Variants in PGBD2 observed in about 807,000 individuals in gnomAD.
PGBD2 encodes piggyBac transposable element derived 2, also known as piggyBac transposable element-derived protein 2.
A neutral mutation model predicts 8.1 loss-of-function variants in PGBD2; 6 were observed. The ratio of observed to expected loss-of-function variants is 0.74; its 90% CI spans 0.40 to 1.46. PGBD2 has a LOEUF of 1.46. Among genes scored for constraint, PGBD2 ranks in the 40% most tolerant of loss-of-function variants. The pLI is 0.02. For synonymous variants in PGBD2, 318 were observed against 272.2 expected (o/e 1.17, Z -1.66); for missense variants, 802 against 739.0 (o/e 1.09, Z -0.99).
chr1:248,913,293 G>T (rs1661976485), intron 1 of PGBD2, among the ~76,000 whole-genome samples: 1 of 152,128 alleles, frequency 6.6e-6, no homozygotes, highest in African/African-American at 2.4e-5. Flanking sequence ...TATCTGCTGA[G>T]AACACAGGGA....
chr1:248,905,767 G>C (rs1249087600), upstream of PGBD2, among the ~76,000 whole-genome samples: 3 of 152,306 alleles, frequency 2.0e-5, no homozygotes, highest in East Asian at 5.8e-4. Flanking sequence ...AGTGGAGGTT[G>C]AGAAACCCTG....
chr1:248,883,751 G>A, the PGBD2 span, among the ~76,000 whole-genome samples: 6 of 151,450 alleles, frequency 4.0e-5, no homozygotes, highest in African/African-American at 1.2e-4. Context: ...CGCCCGCCAC[G>A]ATGCCCAGCT....
At chr1:248,882,038 C>T in the PGBD2 span, among the ~76,000 whole-genome samples, 2 of 152,178 alleles carry the variant, frequency 1.3e-5, no homozygotes, top group African/African-American at 4.8e-5. Flanking sequence ...CTGAGTCCTT[C>T]TGTATGAATG....
intron 2 of PGBD2, among the ~76,000 whole-genome samples, chr1:248,915,097 T>C (rs1213230891): frequency 6.6e-6 from 1 of 152,250 alleles, no homozygotes; most frequent in African/African-American, 2.4e-5. Context: ...TTTGTTGCAT[T>C]CTGTCCTTAT....
At chr1:248,928,240 C>T in the PGBD2 span, among the ~76,000 whole-genome samples, 1 of 152,168 alleles carries the variant, frequency 6.6e-6, no homozygotes, top group African/African-American at 2.4e-5. Flanking sequence ...GTGAGATGGA[C>T]AAAGGAGCCC....
At chr1:248,898,922 C>T in the PGBD2 span, among the ~76,000 whole-genome samples, 1 of 152,074 alleles carries the variant, frequency 6.6e-6, no homozygotes, top group Non-Finnish European at 1.5e-5. Context: ...ATTTACCAAG[C>T]AAATGGAAAA....
the PGBD2 span, among the ~76,000 whole-genome samples, chr1:248,885,572 A>T: frequency 6.6e-6 from 1 of 152,206 alleles, no homozygotes; most frequent in African/African-American, 2.4e-5. Context: ...TGAATTAGAC[A>T]TGGGACTAAT....
chr1:248,895,268 A>G, the PGBD2 span, among the ~76,000 whole-genome samples: 1 of 152,156 alleles, frequency 6.6e-6, no homozygotes, highest in Non-Finnish European at 1.5e-5. Flanking sequence ...CTGATTTCAC[A>G]GGGACCAGTC....
chr1:248,915,747 G>T (rs926167369), intron 2 of PGBD2, among the ~76,000 whole-genome samples: 1 of 152,206 alleles, frequency 6.6e-6, no homozygotes, highest in Non-Finnish European at 1.5e-5. Context: ...TAGGATAACC[G>T]CAAGGGAGCT....
chr1:248,878,051 T>C, the PGBD2 span, among the ~76,000 whole-genome samples: 1 of 152,210 alleles, frequency 6.6e-6, no homozygotes, highest in African/African-American at 2.4e-5. Context: ...ATTGTAACTT[T>C]CCTCTTTTTT....
rs370716878 is a variant in PGBD2 at position 248,917,560 on chromosome 1, C to A, written c.976C>A (p.Leu326Ile). 6.2e-7 allele frequency: 1 copy of A among 1,614,122 alleles called. No individual in the cohort carries two copies. ...LFTKPDRSLD[L>I]GGSMVIKFVD... ...TACCAAGCCAGACAGGAGCTTGGAT[C>A]TAGGAGGCAGTATGGTAATAAAATT... Residue 326 changes from leucine (L) to isoleucine (I), a missense_variant, in exon 3 of 3, where the codon CTA becomes ATA. Leu to Ile is a conservative substitution (Grantham distance 5, BLOSUM62 2). Coordinates refer to ENST00000329291, the MANE Select transcript of PGBD2 (RefSeq NM_170725.3).
At chr1:248,890,485 G>C in the PGBD2 span, among the ~76,000 whole-genome samples, 1 of 152,094 alleles carries the variant, frequency 6.6e-6, no homozygotes, top group Non-Finnish European at 1.5e-5. Flanking sequence ...AGTTTAGGCT[G>C]CCTGGCTCCT....
the PGBD2 span, among the ~76,000 whole-genome samples, chr1:248,926,339 G>A: frequency 6.6e-6 from 1 of 152,102 alleles, no homozygotes; most frequent in Non-Finnish European, 1.5e-5. Flanking sequence ...ATTACATAAT[G>A]TAAAGGCTAT....
intron 2 of PGBD2, among the ~76,000 whole-genome samples, chr1:248,915,589 G>T (rs1266515541): frequency 6.6e-6 from 1 of 152,134 alleles, no homozygotes; most frequent in Admixed American, 6.5e-5. Flanking sequence ...CTCATGATGG[G>T]TTTATTGGGA....
chr1:248,927,446 G>C, the PGBD2 span, among the ~76,000 whole-genome samples: 1 of 152,208 alleles, frequency 6.6e-6, no homozygotes, highest in Non-Finnish European at 1.5e-5. Flanking sequence ...ATTCTAAACA[G>C]AGATCTTTTA....
At chr1:248,928,423 A>G in the PGBD2 span, among the ~76,000 whole-genome samples, 1 of 152,114 alleles carries the variant, frequency 6.6e-6, no homozygotes, top group Non-Finnish European at 1.5e-5. Context: ...TTTTGTTTTA[A>G]TCTCAGTGAC....
rs1662106923 is a variant in PGBD2 at position 248,916,654 on chromosome 1, C to T, written c.70C>T (p.Leu24Phe). ...CTCAAAGGTGAAGTCTGCAAAGCTGCTTGAGGTTCTGAATGCTATGGAGGA... is the reference window on the plus strand; with the variant it reads ...CTCAAAGGTGAAGTCTGCAAAGCTGTTTGAGGTTCTGAATGCTATGGAGGA... The part of the protein sequence containing the change: ...IHSKVKSAKL[L>F]EVLNAMEEEE... The change falls in exon 3 of 3, where the codon CTT (leucine) becomes TTT (phenylalanine). Residue 24 changes from leucine (L) to phenylalanine (F), a missense_variant. Physicochemically the swap from Leu to Phe is conservative, Grantham distance 22 (BLOSUM62 0). Transcript: ENST00000329291. The T allele has an allele frequency of 6.2e-7, 1 of 1,614,032 alleles. No individual in the cohort carries two copies. The highest frequency in any genetic ancestry group is 1.3e-5 in the African/African-American group (1 of 74,904).
downstream of PGBD2, among the ~76,000 whole-genome samples, chr1:248,923,987 A>G (rs1662336773): frequency 6.6e-6 from 1 of 152,220 alleles, no homozygotes; most frequent in Non-Finnish European, 1.5e-5. Flanking sequence ...AGAGAGTTTT[A>G]AAAAGGAAAA....
In PGBD2 at chr1:248,916,763, G is replaced by T. The variant is rs761785736; in HGVS notation, c.179G>T (p.Gly60Val). The change falls in exon 3 of 3, where the codon GGG becomes GTG. Residue 60 changes from glycine to valine, a missense_variant. Transcript: ENST00000329291. ...AAGEFTDEDS[G>V]DEDSQRGAHL... ...GGGGAATTCACTGATGAGGACTCAGGGGATGAAGACAGCCAGCGAGGTGCT... is the reference window on the plus strand; with the variant it reads ...GGGGAATTCACTGATGAGGACTCAGTGGATGAAGACAGCCAGCGAGGTGCT... 3.1e-6 allele frequency: 5 copies of T among 1,614,160 alleles called. No homozygotes were observed. The highest frequency in any genetic ancestry group is 4.2e-6 in the Non-Finnish European group (5 of 1,180,024).
Sources: allele counts gnomAD v4.1 joint callset (sites outside exome capture counted in the v4.1 genomes callset), GRCh38; gene constraint gnomAD v4.1.1; transcripts MANE v1.5; gene names NCBI Gene and HGNC (gene_info 2026-07-23, HGNC 2026-07-21).